Variants in UBE3A observed in about 807,000 individuals in gnomAD.
The protein encoded by UBE3A is ubiquitin protein ligase E3A, also known as ubiquitin-protein ligase E3A.
Under a neutral mutation model 83.4 loss-of-function variants are expected in UBE3A, and 6 were observed. That is an observed-to-expected ratio of 0.07 (90% CI 0.04 to 0.14). The LOEUF is 0.14. Among genes scored for constraint, UBE3A ranks in the 10% least tolerant of loss-of-function variants. The pLI, the probability that UBE3A is intolerant of heterozygous loss-of-function variation, is 1.00. For missense variants in UBE3A, 456 were observed against 1,036.1 expected, an observed-to-expected ratio of 0.44 and a Z score of 7.69; for synonymous variants, 337 against 355.4, an observed-to-expected ratio of 0.95 and a Z score of 0.58.
intron 6 of UBE3A, among the ~76,000 whole-genome samples, chr15:25,367,267 A>T (rs371983723): frequency 7.7e-6 from 1 of 129,058 alleles, no homozygotes; most frequent in African/African-American, 2.9e-5. Flanking sequence ...GTAAATATGT[A>T]AATATTTACA....
intron 4 of UBE3A, among the ~76,000 whole-genome samples, chr15:25,379,820 T>C (rs2081883091): frequency 6.6e-6 from 1 of 152,176 alleles, no homozygotes; most frequent in African/African-American, 2.4e-5. Flanking sequence ...CATTTTTAAA[T>C]GGCTGGAAAA....
chr15:25,356,998 TA>T, intron 7 of UBE3A, 102 bp from the exon 8 acceptor site: 1 of 995,640 alleles, frequency 1.0e-6, no homozygotes, highest in Non-Finnish European at 1.5e-6. Context: ...ATAAAACATT[TA>T]AAATATATGT....
intron 8 of UBE3A, 47 bp downstream of exon 8, chr15:25,356,644 T>G (rs1374721935): frequency 6.4e-7 from 1 of 1,567,572 alleles, no homozygotes; most frequent in Non-Finnish European, 8.7e-7. Flanking sequence ...TTTTTGCATT[T>G]AAATAAAATC....
rs1292951452 is a variant in UBE3A, at chr15:25,374,955, C to G, written c.361+510G>C. 5.4e-5 allele frequency: 9 copies of G among 166,668 alleles called. No individual in the cohort carries two copies. The East Asian group carries it at 8.8e-4, about 16-fold the overall frequency. 10.3% of individuals were successfully genotyped at this position (166,668 alleles called of 1,614,324 possible). On this transcript the variant is annotated intron_variant, in intron 5 of 12. Transcript: ENST00000648336. Reference sequence around the variant, plus strand: ...GTCATTGGTAGGTCATGATCCTTGGCAGCATGACTGTACCAAATGTCCGGA... The same window carrying G: ...GTCATTGGTAGGTCATGATCCTTGGGAGCATGACTGTACCAAATGTCCGGA...
At position 25,347,719 on chromosome 15, in the gene UBE3A, A is replaced by G. The variant is rs141038559; in HGVS notation, c.2354+6634T>C. On this transcript the variant is annotated intron_variant, in intron 11 of 12. Transcript: ENST00000648336. The stretch of plus-strand genomic sequence containing the variant: ...TGTCTCGAAACAAAAACAAACAAAC[A>G]AACAAAACAAAACCCAAACACTAAA... Among the ~76,000 whole-genome samples, 184 of 152,172 alleles carry G rather than the reference A, an allele frequency of 1.2e-3. 1 individual carries two copies. The highest frequency in any genetic ancestry group is 8.2e-3 in the East Asian group (42 of 5,134).
chr15:25,367,205 G>C (rs1031332322), intron 6 of UBE3A, among the ~76,000 whole-genome samples: 1 of 93,380 alleles, frequency 1.1e-5, no homozygotes, highest in Non-Finnish European at 1.9e-5. Context: ...TTACATATTT[G>C]TAAATATGTA....
At chr15:25,379,755 G>A (rs1207731814) in intron 4 of UBE3A, among the ~76,000 whole-genome samples, 4 of 152,072 alleles carry the variant, frequency 2.6e-5, no homozygotes, top group East Asian at 1.9e-4. Context: ...ATCATAGCTC[G>A]TAAGTCAAAT....
At chr15:25,429,279 T>C (rs748479240) in intron 1 of UBE3A, among the ~76,000 whole-genome samples, 2 of 151,826 alleles carry the variant, frequency 1.3e-5, no homozygotes, top group East Asian at 1.9e-4. Flanking sequence ...ACTTGAACAG[T>C]TGGGGTTGTT....
At chr15:25,381,215 G>A (rs1433396408) in intron 4 of UBE3A, among the ~76,000 whole-genome samples, 2 of 152,154 alleles carry the variant, frequency 1.3e-5, no homozygotes, top group African/African-American at 4.8e-5. Flanking sequence ...TGTTTTTTTA[G>A]TTCCCACATA....
chr15:25,397,474 G>A (rs968023531), intron 4 of UBE3A, among the ~76,000 whole-genome samples: 6 of 152,064 alleles, frequency 3.9e-5, no homozygotes, highest in Admixed American at 3.3e-4. Flanking sequence ...GAAACCCAGA[G>A]GCTTTCTGAA....
chr15:25,341,686 A>G (rs922237195), intron 11 of UBE3A, among the ~76,000 whole-genome samples: 4 of 148,010 alleles, frequency 2.7e-5, no homozygotes, highest in Admixed American at 6.8e-5. Context: ...TTGCTTGAAC[A>G]TGGGAGGCGG....
intron 4 of UBE3A, among the ~76,000 whole-genome samples, chr15:25,387,458 C>T (rs2083372501): frequency 6.6e-6 from 1 of 151,784 alleles, no homozygotes; most frequent in Admixed American, 6.6e-5. Flanking sequence ...GGAGGCGGAG[C>T]TTGCGGTGAG....
At chr15:25,368,094 A>C (rs547224819) in intron 6 of UBE3A, among the ~76,000 whole-genome samples, 1 of 152,242 alleles carries the variant, frequency 6.6e-6, no homozygotes, top group East Asian at 1.9e-4. Context: ...GTCATAAAAA[A>C]GTGGCCACTA....
In UBE3A at chr15:25,335,600, G is replaced by T. The variant is rs2073925770; in HGVS notation, c.*3537C>A. ...AACCTGTGACAATTGAGGAATGAGA[G>T]ATTTTGATGATTGGGGTGAAGGTTA... is the stretch of plus-strand genomic sequence containing the variant. On this transcript the variant is annotated 3_prime_UTR_variant, in exon 13 of 13. Coordinates refer to ENST00000648336, the MANE Select transcript of UBE3A (RefSeq NM_130839.5). 6.6e-6 allele frequency: 1 copy of T among 152,126 alleles called. No homozygotes were observed. Among genetic ancestry groups the T allele is most frequent in the Non-Finnish European group, 1.5e-5 (1 of 68,056 alleles). 9.4% of individuals were successfully genotyped at this position (152,126 alleles called of 1,614,324 possible). A position where few individuals can be genotyped will look rare whatever the true frequency, so the allele number is the denominator to read the frequency against.
At chr15:25,402,628 T>G (rs1248194607) in intron 4 of UBE3A, among the ~76,000 whole-genome samples, 1 of 152,150 alleles carries the variant, frequency 6.6e-6, no homozygotes, top group African/African-American at 2.4e-5. Context: ...GCATTGAGTT[T>G]TACTGGGGCG....
chr15:25,390,178 A>T (rs1325184739), intron 4 of UBE3A, among the ~76,000 whole-genome samples: 1 of 152,064 alleles, frequency 6.6e-6, no homozygotes, highest in African/African-American at 2.4e-5. Context: ...CAAAAGAAAC[A>T]CTCACTCATT....
rs10713541 is a variant in UBE3A at position 25,361,126 on chromosome 15, CTTTTT to C, written c.1609-604_1609-600del. 5.6e-3 allele frequency among the ~76,000 whole-genome samples: 645 copies of C among 115,392 alleles called. 5 individuals are homozygous for C. Among genetic ancestry groups the C allele is most frequent in the African/African-American group, 0.019 (607 of 32,646 alleles). 75.7% of individuals were successfully genotyped at this position (115,392 alleles called of 152,430 possible). On this transcript the variant is annotated intron_variant, in intron 6 of 12. Transcript: ENST00000648336. Reference sequence around the variant, plus strand: ...ACATAACCTTACTCATGTCCTTACTCTTTTTTTTTTTTTTTTTGACATGAAATCTC... The same window carrying C: ...ACATAACCTTACTCATGTCCTTACTCTTTTTTTTTTTTGACATGAAATCTC...
intron 5 of UBE3A, among the ~76,000 whole-genome samples, chr15:25,372,829 T>C (rs1595828591): frequency 6.6e-6 from 1 of 152,180 alleles, no homozygotes; most frequent in Non-Finnish European, 1.5e-5. Context: ...CCTACCTCCA[T>C]TGCGCCAAAT....
Position 25,335,591 on chromosome 15 carries a change from G to A in UBE3A, c.*3546C>T, listed in dbSNP as rs1357683673. 6.6e-6 allele frequency: 1 copy of A among 152,138 alleles called. No homozygotes were observed. The highest frequency in any genetic ancestry group is 2.4e-5 in the African/African-American group (1 of 41,426). 9.4% of individuals were successfully genotyped at this position (152,138 alleles called of 1,614,324 possible). A position where few individuals can be genotyped will look rare whatever the true frequency, so the allele number is the denominator to read the frequency against. On this transcript the variant is annotated 3_prime_UTR_variant, in exon 13 of 13. Coordinates refer to ENST00000648336, the MANE Select transcript of UBE3A (RefSeq NM_130839.5). ...AGAAGTGACAACCTGTGACAATTGA[G>A]GAATGAGAGATTTTGATGATTGGGG...
Sources: allele counts gnomAD v4.1 joint callset (sites outside exome capture counted in the v4.1 genomes callset), GRCh38; gene constraint gnomAD v4.1.1; transcripts MANE v1.5; gene names NCBI Gene and HGNC (gene_info 2026-07-23, HGNC 2026-07-21).